LRRC7: variants seen among roughly 807,000 people sequenced by gnomAD.
LRRC7 encodes leucine-rich repeat-containing protein 7.
Under a neutral mutation model 175.7 loss-of-function variants are expected in LRRC7, and 23 were observed. The ratio of observed to expected loss-of-function variants is 0.13; its 90% CI spans 0.09 to 0.19. The LOEUF is 0.19. Among genes scored for constraint, LRRC7 ranks in the 10% least tolerant of loss-of-function variants. The probability of loss-of-function intolerance (pLI) is 1.00; values close to 1 mark genes in which losing one functional copy is unlikely to be tolerated. For missense variants in LRRC7, 1,354 were observed against 1,904.7 expected (o/e 0.71, Z 5.38); for synonymous variants, 685 against 680.9 (o/e 1.01, Z -0.09).
chr1:69,865,389 C>G lies in LRRC7; in HGVS notation c.647+27106C>G, dbSNP rs576762665. 2.7e-5 allele frequency among the ~76,000 whole-genome samples: 4 copies of G among 149,302 alleles called. No homozygotes were observed. In the East Asian group the frequency reaches 8.0e-4, roughly 30 times the overall value. On this transcript the variant is annotated intron_variant, in intron 7 of 26. Transcript: ENST00000651989. ...AAGGTGAACTTTTGAAGTGCCAACA[C>G]TAATAGGCACCAGATTCCTACAGCT...
At chr1:69,928,474 A>G (rs1647164251) in intron 7 of LRRC7, among the ~76,000 whole-genome samples, 1 of 152,126 alleles carries the variant, frequency 6.6e-6, no homozygotes, top group Non-Finnish European at 1.5e-5. Flanking sequence ...TTTGAGCTTC[A>G]TGGCTGCTTT....
At chr1:69,793,142 C>T (rs1233729727) in intron 4 of LRRC7, among the ~76,000 whole-genome samples, 2 of 152,058 alleles carry the variant, frequency 1.3e-5, no homozygotes, top group East Asian at 3.9e-4. Context: ...AGATCCTGCC[C>T]TTCTGAAGTT....
intron 8 of LRRC7, among the ~76,000 whole-genome samples, chr1:69,959,643 G>A (rs913758507): frequency 1.1e-4 from 16 of 152,068 alleles, no homozygotes; most frequent in Admixed American, 1.0e-3. Flanking sequence ...AGTTACCTTG[G>A]AAGGAACTGG....
chr1:69,889,020 A>G (rs965753634), intron 7 of LRRC7, among the ~76,000 whole-genome samples: 6 of 152,236 alleles, frequency 3.9e-5, no homozygotes, highest in African/African-American at 1.4e-4. Flanking sequence ...TTTACAATAT[A>G]CTGTAGTCTA....
chr1:69,607,230 G>A (rs1176340328), intron 1 of LRRC7: 2 of 152,086 alleles, frequency 1.3e-5, no homozygotes, highest in Admixed American at 6.6e-5. Flanking sequence ...AAGATTTTGA[G>A]TGTACTTGTT....
rs1646828642 is a variant in LRRC7 at position 69,919,794 on chromosome 1, C to G, written c.648-11713C>G. 1.4e-5 allele frequency: 12 copies of G among 848,070 alleles called. No individual in the cohort carries two copies. The South Asian group carries it at 1.9e-4, about 13-fold the overall frequency. The allele number at this position is 848,070 out of a possible 1,614,324, so 52.5% of individuals were successfully genotyped here. ...CGGCGGACGGGGGAGATGAGCGGGA[C>G]AGTGTTCACGGATTCCGGCATCCAC... On this transcript the variant is annotated intron_variant, in intron 7 of 26. Transcript: ENST00000651989.
At chr1:70,111,326 A>G (rs747625771) in intron 26 of LRRC7, among the ~76,000 whole-genome samples, 14 of 152,194 alleles carry the variant, frequency 9.2e-5, no homozygotes, top group Non-Finnish European at 1.8e-4. Flanking sequence ...ATTAAAACAC[A>G]TTCACATCAT....
chr1:69,602,918 C>A (rs907858095), intron 1 of LRRC7, among the ~76,000 whole-genome samples: 5 of 152,110 alleles, frequency 3.3e-5, no homozygotes, highest in Admixed American at 6.6e-5. Context: ...AGGATAGTAA[C>A]CTGCTGTACA....
chr1:69,997,265 G>T (rs1655074785), intron 11 of LRRC7, among the ~76,000 whole-genome samples: 1 of 152,172 alleles, frequency 6.6e-6, no homozygotes, highest in Non-Finnish European at 1.5e-5. Context: ...CTGAGACTTT[G>T]CTGAAAGTTG....
chr1:69,873,054 C>G (rs911144858), intron 7 of LRRC7, among the ~76,000 whole-genome samples: 1 of 152,014 alleles, frequency 6.6e-6, no homozygotes, highest in African/African-American at 2.4e-5. Flanking sequence ...TCTATTATGC[C>G]TTAAACAGTA....
At chr1:69,813,133 G>A (rs1446909073) in intron 4 of LRRC7, among the ~76,000 whole-genome samples, 1 of 151,994 alleles carries the variant, frequency 6.6e-6, no homozygotes, top group African/African-American at 2.4e-5. Flanking sequence ...ATCTTCTCAT[G>A]CACTTCTCCA....
At chr1:70,054,080 A>C (rs1207614932) in intron 23 of LRRC7, among the ~76,000 whole-genome samples, 1 of 152,220 alleles carries the variant, frequency 6.6e-6, no homozygotes, top group East Asian at 1.9e-4. Flanking sequence ...AAAGCTGAAT[A>C]TGCACATACT....
At chr1:70,036,354 T>A (rs1659310925) in intron 19 of LRRC7, 90 bp from the exon 20 acceptor site, 3 of 1,430,104 alleles carry the variant, frequency 2.1e-6, no homozygotes, top group Non-Finnish European at 2.9e-6. Flanking sequence ...ATTTCTAACC[T>A]TAATCGGTAT....
At chr1:69,937,392 G>T (rs1648154628) in intron 8 of LRRC7, among the ~76,000 whole-genome samples, 1 of 151,774 alleles carries the variant, frequency 6.6e-6, no homozygotes, top group Non-Finnish European at 1.5e-5. Flanking sequence ...AAATTCTATG[G>T]GCTGTTTTGT....
chr1:69,743,759 T>C (rs1303418935), intron 2 of LRRC7, among the ~76,000 whole-genome samples: 1 of 151,902 alleles, frequency 6.6e-6, no homozygotes, highest in East Asian at 1.9e-4. Context: ...TTAAACATTG[T>C]TACAAGTTTA....
chr1:69,595,449 T>C (rs1646804221), intron 1 of LRRC7, among the ~76,000 whole-genome samples: 1 of 152,114 alleles, frequency 6.6e-6, no homozygotes, highest in Non-Finnish European at 1.5e-5. Flanking sequence ...ACAAATAATG[T>C]TAAGCAACTT....
chr1:69,731,194 C>T (rs770541242), intron 2 of LRRC7, among the ~76,000 whole-genome samples: 5 of 151,844 alleles, frequency 3.3e-5, no homozygotes, highest in Admixed American at 2.6e-4. Context: ...CCCAGCTACT[C>T]GGGAGGCTGA....
intron 2 of LRRC7, among the ~76,000 whole-genome samples, chr1:69,715,282 CT>C (rs1332376865): frequency 6.6e-6 from 1 of 152,128 alleles, no homozygotes; most frequent in Non-Finnish European, 1.5e-5. Context: ...AATGGAAATT[CT>C]CTATAGTCCT....
At chr1:69,751,757 A>G (rs1293618886) in intron 2 of LRRC7, among the ~76,000 whole-genome samples, 1 of 152,192 alleles carries the variant, frequency 6.6e-6, no homozygotes, top group East Asian at 1.9e-4. Context: ...AAGACCATGT[A>G]GAGAAAGAAC....
Sources: allele counts gnomAD v4.1 joint callset (sites outside exome capture counted in the v4.1 genomes callset), GRCh38; gene constraint gnomAD v4.1.1; transcripts MANE v1.5; gene names NCBI Gene and HGNC (gene_info 2026-07-23, HGNC 2026-07-21).